Variants in BCL2 observed in about 807,000 individuals in gnomAD.
BCL2 encodes apoptosis regulator Bcl-2.
Under a neutral mutation model 14.2 loss-of-function variants are expected in BCL2, and 1 was observed. That is an observed-to-expected ratio of 0.07 (90% CI 0.02 to 0.33). The LOEUF is 0.33. Ranked by LOEUF, BCL2 falls within the 10% of genes least tolerant of loss-of-function variation. The pLI, the probability that BCL2 is intolerant of heterozygous loss-of-function variation, is 0.99. For missense variants in BCL2, 247 were observed against 305.9 expected (o/e 0.81, Z 1.44); for synonymous variants, 151 against 137.2 (o/e 1.10, Z -0.70).
intron 2 of BCL2, among the ~76,000 whole-genome samples, chr18:63,202,148 A>T (rs1284918225): frequency 1.3e-5 from 2 of 151,988 alleles, no homozygotes; most frequent in Non-Finnish European, 2.9e-5. Context: ...GTCTCTACTA[A>T]AAATACAAAA....
chr18:63,144,741 G>A (rs1187882685), intron 2 of BCL2, among the ~76,000 whole-genome samples: 3 of 152,220 alleles, frequency 2.0e-5, no homozygotes, highest in African/African-American at 7.2e-5. Context: ...GGAGTTTGGG[G>A]CCACCCTGGT....
chr18:63,302,895 T>C (rs1474187462), intron 2 of BCL2: 1 of 984,802 alleles, frequency 1.0e-6, no homozygotes, highest in Non-Finnish European at 1.2e-6. Context: ...GGGCCAAATG[T>C]ATCCAAATTA....
intron 2 of BCL2, among the ~76,000 whole-genome samples, chr18:63,202,090 C>T (rs1909711417): frequency 6.6e-6 from 1 of 152,196 alleles, no homozygotes; most frequent in African/African-American, 2.4e-5. Context: ...AGGCGGATCA[C>T]TTGAGGTCAG....
At chr18:63,135,434 C>A (rs1285070975) in intron 2 of BCL2, among the ~76,000 whole-genome samples, 2 of 152,206 alleles carry the variant, frequency 1.3e-5, no homozygotes, top group African/African-American at 4.8e-5. Context: ...CCTAGCAATT[C>A]TTTATTCTTT....
At chr18:63,129,049 A>C (rs928773546) in intron 2 of BCL2, among the ~76,000 whole-genome samples, 1 of 152,258 alleles carries the variant, frequency 6.6e-6, no homozygotes, top group Non-Finnish European at 1.5e-5. Flanking sequence ...TGAGTGGAAC[A>C]GTATAGACAG....
At chr18:63,312,441 C>A (rs1223094861) in intron 2 of BCL2, among the ~76,000 whole-genome samples, 1 of 152,146 alleles carries the variant, frequency 6.6e-6, no homozygotes, top group Non-Finnish European at 1.5e-5. Flanking sequence ...CAGAATTGGG[C>A]ATATATAAGA....
At chr18:63,174,607 G>T (rs534777094) in intron 2 of BCL2, among the ~76,000 whole-genome samples, 36 of 152,182 alleles carry the variant, frequency 2.4e-4, no homozygotes, top group Non-Finnish European at 4.6e-4. Flanking sequence ...ATCACCTGAG[G>T]TCAGGAGTTC....
At position 63,169,428 on chromosome 18, in the gene BCL2, T is replaced by C. The variant is rs1286174102; in HGVS notation, c.586-40669A>G. Among the ~76,000 whole-genome samples, 7 of 145,468 alleles carry C rather than the reference T, an allele frequency of 4.8e-5. 1 individual carries two copies. Among genetic ancestry groups the C allele is most frequent in the African/African-American group, 1.8e-4 (7 of 37,858 alleles). On this transcript the variant is annotated intron_variant, in intron 2 of 2. Coordinates refer to ENST00000333681, the MANE Select transcript of BCL2 (RefSeq NM_000633.3). Reference sequence around the variant, plus strand: ...TTTTCTTTCTCTCTCTCTCTCTCTCTTTCTTTTTCTTTCTTTCCTTTCTCC... The same window carrying C: ...TTTTCTTTCTCTCTCTCTCTCTCTCCTTCTTTTTCTTTCTTTCCTTTCTCC...
At chr18:63,271,113 C>T (rs891393398) in intron 2 of BCL2, among the ~76,000 whole-genome samples, 1 of 152,204 alleles carries the variant, frequency 6.6e-6, no homozygotes, top group Non-Finnish European at 1.5e-5. Context: ...TGAGCCACTG[C>T]GCCTGGCCAA....
At chr18:63,136,405 A>G (rs1251737526) in intron 2 of BCL2, among the ~76,000 whole-genome samples, 1 of 152,166 alleles carries the variant, frequency 6.6e-6, no homozygotes, top group African/African-American at 2.4e-5. Flanking sequence ...AAGTAAACCT[A>G]CAGCCTCAGA....
chr18:63,246,350 TC>T (rs1486205907), intron 2 of BCL2, among the ~76,000 whole-genome samples: 1 of 152,068 alleles, frequency 6.6e-6, no homozygotes, highest in African/African-American at 2.4e-5. Flanking sequence ...AAACTAGCCT[TC>T]CCCCTGTATT....
rs563660670 is a variant in BCL2, at chr18:63,274,950, C to T, written c.585+43132G>A. Among the ~76,000 whole-genome samples the T allele has an allele frequency of 2.0e-4, 31 of 152,280 alleles. No individual in the cohort carries two copies. In the South Asian group the frequency reaches 5.0e-3, roughly 24 times the overall value. On this transcript the variant is annotated intron_variant, in intron 2 of 2. Transcript: ENST00000333681. ...ACATTTGGGTCCTACATTCACGGGC[C>T]CAAACACCTATTGACCAACACATCT...
At chr18:63,154,110 C>CT (rs1341654862) in intron 2 of BCL2, among the ~76,000 whole-genome samples, 3 of 152,150 alleles carry the variant, frequency 2.0e-5, no homozygotes, top group African/African-American at 7.2e-5. Flanking sequence ...AAATCTGCCT[C>CT]TAAGGGTCTA....
chr18:63,172,132 T>C (rs1915236333), intron 2 of BCL2, among the ~76,000 whole-genome samples: 1 of 152,230 alleles, frequency 6.6e-6, no homozygotes, highest in African/African-American at 2.4e-5. Flanking sequence ...ATTCAGAGCA[T>C]GTTGAGCTTA....
intron 2 of BCL2, among the ~76,000 whole-genome samples, chr18:63,198,421 G>GAC (rs1235051063): frequency 2.0e-5 from 2 of 101,306 alleles, no homozygotes; most frequent in African/African-American, 3.9e-5. Flanking sequence ...TAGACACAGA[G>GAC]ACACACACAG....
chr18:63,295,171 G>T (rs973908260), intron 2 of BCL2, among the ~76,000 whole-genome samples: 19 of 150,972 alleles, frequency 1.3e-4, no homozygotes, highest in African/African-American at 4.6e-4. Flanking sequence ...CTCAAAAAAA[G>T]ATAATAATAG....
At chr18:63,253,440 G>A (rs76604740) in intron 2 of BCL2, among the ~76,000 whole-genome samples, 3,703 of 152,242 alleles carry the variant, frequency 0.024, 63 homozygotes, top group Non-Finnish European at 0.038. Flanking sequence ...TTCAGAAAAG[G>A]GTTAAAATAT....
At chr18:63,159,865 G>A (rs559336210) in intron 2 of BCL2, among the ~76,000 whole-genome samples, 2 of 152,302 alleles carry the variant, frequency 1.3e-5, no homozygotes, top group South Asian at 4.1e-4. Flanking sequence ...CTGCCCACGC[G>A]TACGCATTTC....
At chr18:63,148,750 T>C (rs1039948998) in intron 2 of BCL2, among the ~76,000 whole-genome samples, 12 of 151,886 alleles carry the variant, frequency 7.9e-5, no homozygotes, top group Non-Finnish European at 1.8e-4. Flanking sequence ...AGGTATCTAT[T>C]ACAAACAAAA....
Sources: allele counts gnomAD v4.1 joint callset (sites outside exome capture counted in the v4.1 genomes callset), GRCh38; gene constraint gnomAD v4.1.1; transcripts MANE v1.5; gene names NCBI Gene and HGNC (gene_info 2026-07-23, HGNC 2026-07-21).